Variants in YIPF7 observed in about 807,000 individuals in gnomAD.
YIPF7 encodes Yip1 domain family member 7.
Under a neutral mutation model 27.2 loss-of-function variants are expected in YIPF7, and 35 were observed. That is an observed-to-expected ratio of 1.29 (90% CI 0.98 to 1.70). The LOEUF is 1.70. Among genes scored for constraint, YIPF7 ranks in the 40% most tolerant of loss-of-function variants. The pLI, the probability that YIPF7 is intolerant of heterozygous loss-of-function variation, is 0.00. For missense variants in YIPF7, 358 were observed against 303.7 expected, an observed-to-expected ratio of 1.18 and a Z score of -1.33; for synonymous variants, 137 against 110.4, an observed-to-expected ratio of 1.24 and a Z score of -1.51.
chr4:44,647,455 T>C (rs757999252), intron 2 of YIPF7, among the ~76,000 whole-genome samples: 14 of 152,172 alleles, frequency 9.2e-5, no homozygotes, highest in Non-Finnish European at 4.4e-5. Context: ...AGGCAACTAG[T>C]TCCTTTCTAC....
upstream of YIPF7, chr4:44,651,774 A>T (rs1431243065): frequency 4.3e-6 from 2 of 470,438 alleles, no homozygotes; most frequent in Non-Finnish European, 7.4e-6. Context: ...AAACACAGTG[A>T]ACAGTGTTAC....
At chr4:44,647,930 T>A (rs1408014855) in intron 2 of YIPF7, among the ~76,000 whole-genome samples, 1 of 152,114 alleles carries the variant, frequency 6.6e-6, no homozygotes, top group Non-Finnish European at 1.5e-5. Flanking sequence ...CAAAAATTAA[T>A]ACATTTGAAA....
rs779143117 is a variant in YIPF7 at position 44,629,481 on chromosome 4, T to A, written c.348A>T (p.Val116=). 16 of 1,594,646 alleles carry A rather than the reference T, an allele frequency of 1.0e-5. No individual in the cohort carries two copies. The East Asian group carries it at 3.4e-4, about 34-fold the overall frequency. The change falls in exon 4 of 6, where the codon GTA becomes GTT. Residue 116 remains valine (V), a synonymous_variant. Transcript: ENST00000415895. ...CCGTTTCATTCATAATGCTGCCATC[T>A]ACTGGCTTCATTGGGTTTAACACTG... ...TLTVLNPMKP[V]DGSIMNETDL... is the part of the protein sequence containing the mutation.
At chr4:44,653,458 T>G (rs569595672), upstream of YIPF7, among the ~76,000 whole-genome samples, 1 of 152,100 alleles carries the variant, frequency 6.6e-6, no homozygotes, top group South Asian at 2.1e-4. Context: ...ACAAAAGTCA[T>G]GGCAACTGAG....
In YIPF7 at chr4:44,622,299, A is replaced by C; in HGVS notation, c.*115T>G. The C allele has an allele frequency of 7.8e-7, 1 of 1,290,128 alleles. No individual in the cohort carries two copies. Among genetic ancestry groups the C allele is most frequent in the Non-Finnish European group, 1.1e-6 (1 of 945,100 alleles). 79.9% of individuals were successfully genotyped at this position (1,290,128 alleles called of 1,614,324 possible). Reference sequence around the variant, plus strand: ...TAAGTGCTGCTTTGTCTCTCTGCTTATTACTCTCTCAAAAGCAATAAAACA... The same window carrying C: ...TAAGTGCTGCTTTGTCTCTCTGCTTCTTACTCTCTCAAAAGCAATAAAACA... On this transcript the variant is annotated 3_prime_UTR_variant, in exon 6 of 6. Coordinates refer to ENST00000415895, the MANE Select transcript of YIPF7 (RefSeq NM_182592.3).
At chr4:44,637,641 T>G (rs559908027) in intron 2 of YIPF7, among the ~76,000 whole-genome samples, 1 of 152,290 alleles carries the variant, frequency 6.6e-6, no homozygotes, top group African/African-American at 2.4e-5. Context: ...GGTATTTGGT[T>G]ACATGAGTAA....
chr4:44,632,736 C>CCCT (rs1280562662), intron 3 of YIPF7, among the ~76,000 whole-genome samples: 1 of 152,070 alleles, frequency 6.6e-6, no homozygotes, highest in Non-Finnish European at 1.5e-5. Flanking sequence ...AAAAGACATA[C>CCCT]CCTGGCCTTT....
intron 3 of YIPF7, among the ~76,000 whole-genome samples, chr4:44,631,349 C>A (rs1712889693): frequency 1.3e-5 from 2 of 152,032 alleles, no homozygotes; most frequent in Non-Finnish European, 2.9e-5. Context: ...CTTTAGTAAC[C>A]CTGTTTGGTC....
chr4:44,650,579 C>G (rs1478789842), intron 1 of YIPF7, among the ~76,000 whole-genome samples: 1 of 152,086 alleles, frequency 6.6e-6, no homozygotes, highest in Admixed American at 6.5e-5. Context: ...TAATAATACT[C>G]CTTCCCAAAG....
At chr4:44,623,134 C>T (rs1404767415) in intron 5 of YIPF7, among the ~76,000 whole-genome samples, 4 of 152,152 alleles carry the variant, frequency 2.6e-5, no homozygotes, top group Non-Finnish European at 5.9e-5. Flanking sequence ...CCTTGAAGTT[C>T]CATTTTGTAT....
At chr4:44,641,396 A>G (rs1227708554) in intron 2 of YIPF7, among the ~76,000 whole-genome samples, 3 of 152,224 alleles carry the variant, frequency 2.0e-5, no homozygotes, top group Non-Finnish European at 4.4e-5. Context: ...AACTTTGCCA[A>G]GCCATAATAC....
At chr4:44,659,211 T>C (rs1713979134) in intron 2 of YIPF7, among the ~76,000 whole-genome samples, 1 of 152,266 alleles carries the variant, frequency 6.6e-6, no homozygotes, top group Admixed American at 6.5e-5. Context: ...GTGCATTAAG[T>C]GCAGTAATAA....
At position 44,661,514 on chromosome 4, in the gene YIPF7, G is replaced by T. The variant is rs191589844; in HGVS notation, c.-171-896C>A. Among the ~76,000 whole-genome samples, 358 of 152,328 alleles carry T rather than the reference G, an allele frequency of 2.4e-3. 5 individuals carry two copies. The highest frequency in any genetic ancestry group is 3.4e-4 in the Non-Finnish European group (23 of 68,030). ...ATCTCTGTTCTTTGGATAGAAGTTG[G>T]TAAGATTTGTAAATAGTAAAATTTC... On this transcript the variant is annotated intron_variant, in intron 1 of 2. Coordinates refer to the YIPF7 transcript ENST00000508947.
intron 1 of YIPF7, 121 bp downstream of exon 1, chr4:44,651,433 C>T: frequency 2.0e-6 from 1 of 511,314 alleles, no homozygotes; most frequent in Non-Finnish European, 3.3e-6. Context: ...ATTGAGAATA[C>T]ACTAAATTTT....
chr4:44,644,014 C>A (rs1367885104), intron 2 of YIPF7, among the ~76,000 whole-genome samples: 1 of 152,154 alleles, frequency 6.6e-6, no homozygotes, highest in African/African-American at 2.4e-5. Flanking sequence ...CCTCACAGTG[C>A]AGCTGTGAGA....
chr4:44,653,056 G>C (rs1713783374), upstream of YIPF7, among the ~76,000 whole-genome samples: 1 of 152,084 alleles, frequency 6.6e-6, no homozygotes, highest in Non-Finnish European at 1.5e-5. Flanking sequence ...CATTTGGATA[G>C]AGATCTGATG....
chr4:44,649,981 T>G lies in YIPF7; in HGVS notation c.116+4A>C. The G allele has an allele frequency of 3.5e-6, 5 of 1,430,898 alleles. No homozygotes were observed. The highest frequency in any genetic ancestry group is 4.8e-6 in the Non-Finnish European group (5 of 1,050,736). 88.6% of individuals were successfully genotyped at this position (1,430,898 alleles called of 1,614,324 possible). A position where few individuals can be genotyped will look rare whatever the true frequency, so the allele number is the denominator to read the frequency against. ...AAAAAAAAAGAAAAATATTAAGTAC[T>G]TACTTTCTAGATCCATAAAGATTTC... On this transcript the variant is annotated splice_donor_region_variant and intron_variant, in intron 2 of 5. Coordinates refer to ENST00000415895, the MANE Select transcript of YIPF7 (RefSeq NM_182592.3).
At chr4:44,635,891 TAC>T in intron 3 of YIPF7, 29 bp downstream of exon 3, 3 of 1,610,578 alleles carry the variant, frequency 1.9e-6, no homozygotes, top group Non-Finnish European at 1.7e-6. Flanking sequence ...CTTCTAGCTG[TAC>T]ACACATTAAT....
chr4:44,631,210 T>C (rs1712885344), intron 3 of YIPF7, among the ~76,000 whole-genome samples: 1 of 152,170 alleles, frequency 6.6e-6, no homozygotes, highest in Non-Finnish European at 1.5e-5. Context: ...AACCATAGAT[T>C]TGTGGTCAGG....
Sources: allele counts gnomAD v4.1 joint callset (sites outside exome capture counted in the v4.1 genomes callset), GRCh38; gene constraint gnomAD v4.1.1; transcripts MANE v1.5; gene names NCBI Gene and HGNC (gene_info 2026-07-23, HGNC 2026-07-21).